Variants in SH3TC2 observed in about 807,000 individuals in gnomAD.
The protein encoded by SH3TC2 is SH3 domain and tetratricopeptide repeats 2, also known as SH3 domain and tetratricopeptide repeat-containing protein 2.
In SH3TC2, 87 loss-of-function variants were observed where a neutral mutation model predicts 124.5. The observed-to-expected ratio is 0.70, with a 90% CI of 0.59 to 0.84. The LOEUF is 0.84. SH3TC2 is among the 40% of genes least tolerant of loss of function. The pLI, the probability that SH3TC2 is intolerant of heterozygous loss-of-function variation, is 0.00. For synonymous variants in SH3TC2, 634 were observed against 628.5 expected (o/e 1.01, Z -0.13); for missense variants, 1,536 against 1,566.4 (o/e 0.98, Z 0.33).
At position 149,063,054 on chromosome 5, in the gene SH3TC2, T is replaced by C. The variant is rs768614390; in HGVS notation, c.-32A>G. 4 of 1,580,236 alleles carry C rather than the reference T, an allele frequency of 2.5e-6. No individual in the cohort carries two copies. The highest frequency in any genetic ancestry group is 3.4e-6 in the Non-Finnish European group (4 of 1,161,498). On this transcript the variant is annotated 5_prime_UTR_variant, in exon 1 of 17. Transcript: ENST00000515425. ...ACCATCCTACCCTGGCCGAGGCCCT[T>C]GGGAACACAGGCCAGAAGAGTGCTG...
At chr5:149,047,421 A>G (rs553051481) in intron 3 of SH3TC2, 14 of 201,176 alleles carry the variant, frequency 7.0e-5, no homozygotes, top group Non-Finnish European at 1.4e-4. Flanking sequence ...TAGGTTGTGA[A>G]TGTACTTAGT....
Position 149,027,944 on chromosome 5 carries a change from A to C in SH3TC2, c.1788T>G (p.Gly596=). The C allele has an allele frequency of 6.2e-7, 1 of 1,614,126 alleles. No homozygotes were observed. Among genetic ancestry groups the C allele is most frequent in the South Asian group, 1.1e-5 (1 of 91,084 alleles). The change falls in exon 11 of 17, where the codon GGT becomes GGG. Residue 596 remains glycine, a synonymous_variant. Coordinates refer to ENST00000515425, the MANE Select transcript of SH3TC2 (RefSeq NM_024577.4). ...HKGSALLEKA[G]ALLACLPDRE... is the part of the protein sequence containing the mutation. ...GGTCAGGCAGGCAGGCCAGCAGGGC[A>C]CCTGCCTTTTCCAACAGGGCGGAGC... is the stretch of plus-strand genomic sequence containing the variant.
chr5:149,040,504 G>T, intron 7 of SH3TC2, 100 bp downstream of exon 7: 1 of 1,122,114 alleles, frequency 8.9e-7, no homozygotes, highest in Non-Finnish European at 1.4e-6. Flanking sequence ...GCAGAGACGA[G>T]ACAAAAATTC....
In SH3TC2 at chr5:148,983,840, C is replaced by T. The variant is rs1753291918; in HGVS notation, c.*20871G>A. Among the ~76,000 whole-genome samples, 1 of 152,148 alleles carries T rather than the reference C, an allele frequency of 6.6e-6. No individual in the cohort carries two copies. The highest frequency in any genetic ancestry group is 1.5e-5 in the Non-Finnish European group (1 of 68,026). On this transcript the variant is annotated 3_prime_UTR_variant, in exon 17 of 17. Transcript: ENST00000515425. ...GGGGAGAGGGAAGATAAGATGTAAA[C>T]TTCTGGTCACCACCCTGAAACTGCA...
intron 8 of SH3TC2, among the ~76,000 whole-genome samples, chr5:149,036,822 C>T (rs1446872135): frequency 6.6e-6 from 1 of 152,122 alleles, no homozygotes; most frequent in African/African-American, 2.4e-5. Context: ...CACAGGTGTC[C>T]ATATTTGTAA....
Position 149,007,542 on chromosome 5 carries a change from C to T in SH3TC2, c.3479-465G>A, listed in dbSNP as rs1411500883. 2.4e-5 allele frequency: 6 copies of T among 254,492 alleles called. No individual in the cohort carries two copies. In the Admixed American group the frequency reaches 2.5e-4, roughly 11 times the overall value. 15.8% of individuals were successfully genotyped at this position (254,492 alleles called of 1,614,324 possible). ...CTGTATAATAAATGTCTTCCTCACA[C>T]AAAAGTCTCTCTCTTCAGAGAATTA... is the stretch of plus-strand genomic sequence containing the variant. On this transcript the variant is annotated intron_variant, in intron 15 of 16. Transcript: ENST00000515425.
rs1292913082 is a variant in SH3TC2, at chr5:148,994,463, T to A, written c.*10248A>T. ...TTTATCAGAGGACTCTGACTTGCCC[T>A]GGAGCCCATAGGACTTATGAAGACA... On this transcript the variant is annotated 3_prime_UTR_variant, in exon 17 of 17. Transcript: ENST00000515425. 6.6e-6 allele frequency among the ~76,000 whole-genome samples: 1 copy of A among 152,224 alleles called. No homozygotes were observed. Among genetic ancestry groups the A allele is most frequent in the African/African-American group, 2.4e-5 (1 of 41,460 alleles).
chr5:149,017,644 G>C (rs770978711), intron 12 of SH3TC2, among the ~76,000 whole-genome samples: 4 of 152,206 alleles, frequency 2.6e-5, no homozygotes, highest in African/African-American at 4.8e-5. Context: ...ATCTGAGCTA[G>C]TACCAGTGAA....
chr5:149,056,865 T>G (rs1017730802), intron 1 of SH3TC2, among the ~76,000 whole-genome samples: 2 of 152,164 alleles, frequency 1.3e-5, no homozygotes, highest in African/African-American at 4.8e-5. Flanking sequence ...CCAGAGATGA[T>G]TCAAGGCAAC....
At chr5:149,032,645 C>G (rs1051753157) in intron 8 of SH3TC2, among the ~76,000 whole-genome samples, 3 of 152,134 alleles carry the variant, frequency 2.0e-5, no homozygotes, top group Non-Finnish European at 4.4e-5. Context: ...TACTCTTATC[C>G]TTTTTACAGA....
At position 148,997,522 on chromosome 5, in the gene SH3TC2, G is replaced by T. The variant is rs886060163; in HGVS notation, c.*7189C>A. On this transcript the variant is annotated 3_prime_UTR_variant, in exon 17 of 17. Coordinates refer to ENST00000515425, the MANE Select transcript of SH3TC2 (RefSeq NM_024577.4). Reference sequence around the variant, plus strand: ...TGGAAAGTCAGTTCTCTCCAATCCTGTTCTAAAGTAACCAATTTTGATTGA... The same window carrying T: ...TGGAAAGTCAGTTCTCTCCAATCCTTTTCTAAAGTAACCAATTTTGATTGA... Among the ~76,000 whole-genome samples the T allele has an allele frequency of 5.3e-5, 8 of 152,112 alleles. No homozygotes were observed. In the East Asian group the frequency reaches 9.6e-4, roughly 18 times the overall value.
chr5:149,058,170 C>T (rs142030751), intron 1 of SH3TC2, among the ~76,000 whole-genome samples: 5 of 152,244 alleles, frequency 3.3e-5, no homozygotes, highest in East Asian at 1.9e-4. Context: ...CAATAAATTG[C>T]TTTTGATATA....
chr5:149,042,613 C>T, intron 5 of SH3TC2, 81 bp downstream of exon 5: 1 of 1,562,210 alleles, frequency 6.4e-7, no homozygotes, highest in Non-Finnish European at 8.8e-7. Flanking sequence ...TTTTTCCCTC[C>T]CTTTGCATCC....
chr5:148,993,453 G>C lies in SH3TC2; in HGVS notation c.*11258C>G, dbSNP rs1244472266. 2.0e-5 allele frequency among the ~76,000 whole-genome samples: 3 copies of C among 152,306 alleles called. No individual in the cohort carries two copies. The East Asian group carries it at 5.8e-4, about 29-fold the overall frequency. On this transcript the variant is annotated 3_prime_UTR_variant, in exon 17 of 17. Coordinates refer to ENST00000515425, the MANE Select transcript of SH3TC2 (RefSeq NM_024577.4). ...AGAAATTGTTTAACTGCTCTGTATT[G>C]AACATTTATCTTGGAGTAAAAATGA...
intron 9 of SH3TC2, among the ~76,000 whole-genome samples, chr5:149,030,638 C>T (rs1168928193): frequency 6.6e-6 from 1 of 152,242 alleles, no homozygotes; most frequent in African/African-American, 2.4e-5. Context: ...GGTGCTTATG[C>T]CTGAGGCATG....
intron 12 of SH3TC2, among the ~76,000 whole-genome samples, chr5:149,025,377 G>A (rs1202511760): frequency 6.6e-6 from 1 of 152,152 alleles, no homozygotes; most frequent in African/African-American, 2.4e-5. Flanking sequence ...TTATCTGATT[G>A]TCCAGGTGCA....
intron 1 of SH3TC2, among the ~76,000 whole-genome samples, chr5:149,061,091 G>A (rs149444663): frequency 5.3e-5 from 8 of 152,322 alleles, no homozygotes; most frequent in South Asian, 4.1e-4. Flanking sequence ...GAAAAGTCTC[G>A]AGGGAGATAC....
Position 148,994,342 on chromosome 5 carries a change from G to A in SH3TC2, c.*10369C>T, listed in dbSNP as rs1461357204. On this transcript the variant is annotated 3_prime_UTR_variant, in exon 17 of 17. Transcript: ENST00000515425. ...ACTTCTTGCAGGTAGGAGAAATTAA[G>A]AGAAGTCAATGATATAATAAGAGTA... 6.6e-6 allele frequency among the ~76,000 whole-genome samples: 1 copy of A among 152,178 alleles called. No individual in the cohort carries two copies. The highest frequency in any genetic ancestry group is 2.4e-5 in the African/African-American group (1 of 41,446).
chr5:149,004,183 T>G lies in SH3TC2; in HGVS notation c.*528A>C, dbSNP rs1753643204. 1.1e-5 allele frequency: 2 copies of G among 175,274 alleles called. No homozygotes were observed. Among genetic ancestry groups the G allele is most frequent in the Non-Finnish European group, 2.5e-5 (2 of 81,482 alleles). The allele number at this position is 175,274 out of a possible 1,614,324, so 10.9% of individuals were successfully genotyped here. On this transcript the variant is annotated 3_prime_UTR_variant, in exon 17 of 17. Coordinates refer to ENST00000515425, the MANE Select transcript of SH3TC2 (RefSeq NM_024577.4). ...TGTGTCTTTTGAGCTAAGATCCTGG[T>G]GAATTCTCTCCTGTCAATCCCTGTG...
Sources: allele counts gnomAD v4.1 joint callset (sites outside exome capture counted in the v4.1 genomes callset), GRCh38; gene constraint gnomAD v4.1.1; transcripts MANE v1.5; gene names NCBI Gene and HGNC (gene_info 2026-07-23, HGNC 2026-07-21).